The following NOS1 variants were observed in gnomAD, a reference collection of about 807,000 sequenced individuals.
NOS1 encodes the protein nitric oxide synthase 1.
Under a neutral mutation model 164.5 loss-of-function variants are expected in NOS1, and 51 were observed. The observed-to-expected ratio is 0.31, with a 90% confidence interval of 0.25 to 0.39. The LOEUF (loss-of-function observed/expected upper bound fraction) is 0.39. Among genes scored for constraint, NOS1 ranks in the 10% least tolerant of loss-of-function variants. The pLI is 1.00. For missense variants in NOS1, 1,362 were observed against 1,885.6 expected (o/e 0.72, Z 5.14); for synonymous variants, 719 against 745.8 (o/e 0.96, Z 0.59).
In NOS1 at chr12:117,288,942, A is replaced by C. The variant is rs9658337; in HGVS notation, c.982-723T>G. ...CAGATGTAACTACAGATGCATGAGA[A>C]AGCCTCACCAAAATCAACAGAGTCT... On this transcript the variant is annotated intron_variant, in intron 4 of 28. Transcript: ENST00000317775. Among the ~76,000 whole-genome samples the C allele has an allele frequency of 2.8e-3, 427 of 152,292 alleles. 5 individuals are homozygous for C. In the East Asian group the frequency reaches 0.049, roughly 17 times the overall value.
chr12:117,337,353 T>C (rs1875884112), intron 1 of NOS1, among the ~76,000 whole-genome samples: 2 of 151,942 alleles, frequency 1.3e-5, no homozygotes, highest in Non-Finnish European at 2.9e-5. Flanking sequence ...CCTGACCTTG[T>C]GATCCGCCTG....
At chr12:117,285,391 C>A (rs186400010) in intron 6 of NOS1, 59 bp from the exon 7 acceptor site, 6 of 1,150,816 alleles carry the variant, frequency 5.2e-6, no homozygotes, top group East Asian at 2.6e-5. Flanking sequence ...GCTCCCCCAG[C>A]GCAATCTTCC....
chr12:117,277,719 T>C lies in NOS1; in HGVS notation c.1664+240A>G, dbSNP rs147631663. 2.6e-5 allele frequency among the ~76,000 whole-genome samples: 4 copies of C among 152,354 alleles called. No individual in the cohort carries two copies. The East Asian group carries it at 7.7e-4, about 29-fold the overall frequency. ...TGGAAGAAGGGCAGGTCCTTGTTAATGGCTTAGGAGTGAGATGATTCAGAA... is the reference window on the plus strand; with the variant it reads ...TGGAAGAAGGGCAGGTCCTTGTTAACGGCTTAGGAGTGAGATGATTCAGAA... On this transcript the variant is annotated intron_variant, in intron 9 of 28. Coordinates refer to ENST00000317775, the MANE Select transcript of NOS1 (RefSeq NM_000620.5).
In NOS1 at chr12:117,212,834, G is replaced by A. The variant is rs1266594552; in HGVS notation, c.*2475C>T. The stretch of plus-strand genomic sequence containing the variant: ...CTGGACTCCACTCTGGTCCTTGAGA[G>A]GTTACTCAACAGAGAGAGAGGCTTT... On this transcript the variant is annotated 3_prime_UTR_variant, in exon 29 of 29. Transcript: ENST00000317775. 3 of 985,312 alleles carry A rather than the reference G, an allele frequency of 3.0e-6. No homozygotes were observed. In the African/African-American group the frequency reaches 5.2e-5, roughly 17 times the overall value. 61.0% of individuals were successfully genotyped at this position (985,312 alleles called of 1,614,324 possible).
chr12:117,253,783 T>TC, intron 16 of NOS1, 29 bp from the exon 17 acceptor site: 3 of 1,535,282 alleles, frequency 2.0e-6, no homozygotes, highest in South Asian at 1.1e-5. Context: ...ACCTGTGAGC[T>TC]CTGGCCTGGA....
chr12:117,232,281 C>A, intron 21 of NOS1, 150 bp from the exon 22 acceptor site: 1 of 630,296 alleles, frequency 1.6e-6, no homozygotes. Context: ...CCTTCCATGC[C>A]CAGAATCCAG....
At chr12:117,259,574 G>C (rs886161447) in intron 14 of NOS1, among the ~76,000 whole-genome samples, 10 of 152,100 alleles carry the variant, frequency 6.6e-5, no homozygotes, top group African/African-American at 2.4e-4. Context: ...GAGCAGTGTG[G>C]AGCACCTGGC....
At chr12:117,334,465 C>T (rs1286941786) in intron 1 of NOS1, among the ~76,000 whole-genome samples, 1 of 152,108 alleles carries the variant, frequency 6.6e-6, no homozygotes, top group South Asian at 2.1e-4. Flanking sequence ...GGTGCGATCT[C>T]AGCTCACTGC....
chr12:117,248,944 C>T (rs1870874117), intron 17 of NOS1, among the ~76,000 whole-genome samples: 1 of 152,124 alleles, frequency 6.6e-6, no homozygotes, highest in African/African-American at 2.4e-5. Context: ...TCTCTGATGG[C>T]CAGTGATGGT....
intron 1 of NOS1, among the ~76,000 whole-genome samples, chr12:117,333,617 G>A (rs1875656361): frequency 6.6e-6 from 1 of 152,176 alleles, no homozygotes; most frequent in Non-Finnish European, 1.5e-5. Flanking sequence ...CTCTGTGTGG[G>A]TGAGGAAATA....
intron 25 of NOS1, among the ~76,000 whole-genome samples, chr12:117,224,514 T>A (rs2135930448): frequency 6.6e-6 from 1 of 152,216 alleles, no homozygotes; most frequent in Admixed American, 6.5e-5. Context: ...CTCGATCTCC[T>A]GACCTCGTGA....
chr12:117,298,341 G>A (rs1252505095), intron 3 of NOS1, among the ~76,000 whole-genome samples: 1 of 152,070 alleles, frequency 6.6e-6, no homozygotes, highest in Non-Finnish European at 1.5e-5. Flanking sequence ...GCGGTAATGC[G>A]AGCGATGGGG....
chr12:117,308,831 G>A (rs1000737966), intron 3 of NOS1, among the ~76,000 whole-genome samples: 4 of 152,046 alleles, frequency 2.6e-5, no homozygotes, highest in African/African-American at 7.2e-5. Flanking sequence ...TCTTGACCTC[G>A]TGATTTGCCT....
At chr12:117,297,582 G>A (rs576444250) in intron 3 of NOS1, among the ~76,000 whole-genome samples, 5 of 152,116 alleles carry the variant, frequency 3.3e-5, no homozygotes, top group African/African-American at 9.6e-5. Flanking sequence ...AGTGGAGATG[G>A]GGTTTCTTCA....
At chr12:117,279,106 C>T (rs574789745) in intron 8 of NOS1, among the ~76,000 whole-genome samples, 8 of 152,034 alleles carry the variant, frequency 5.3e-5, no homozygotes, top group South Asian at 4.2e-4. Flanking sequence ...GGGCCGGGCG[C>T]GGTGGCTCAC....
intron 26 of NOS1, among the ~76,000 whole-genome samples, chr12:117,221,104 T>C (rs1956696939): frequency 6.6e-6 from 1 of 151,926 alleles, no homozygotes; most frequent in Non-Finnish European, 1.5e-5. Flanking sequence ...TGACTAGTAT[T>C]GCCTCTTATG....
intron 17 of NOS1, 79 bp downstream of exon 17, chr12:117,253,559 C>G (rs555445661): frequency 1.1e-6 from 1 of 930,048 alleles, no homozygotes; most frequent in South Asian, 1.4e-5. Context: ...CACAACGAAG[C>G]GCTCACTTTG....
At chr12:117,304,492 T>C (rs1434181459) in intron 3 of NOS1, among the ~76,000 whole-genome samples, 1 of 152,244 alleles carries the variant, frequency 6.6e-6, no homozygotes, top group East Asian at 1.9e-4. Flanking sequence ...CCCACACACA[T>C]CCGTGAGGGT....
chr12:117,232,250 A>AGAAGGTTGCTTGGCTCTGG, intron 21 of NOS1, 119 bp from the exon 22 acceptor site: 1 of 831,096 alleles, frequency 1.2e-6, no homozygotes, highest in Non-Finnish European at 1.9e-6. Flanking sequence ...CTCCAGAGCC[A>AGAAGGTTGCTTGGCTCTGG]AGCAACCTTC....
Sources: allele counts gnomAD v4.1 joint callset (sites outside exome capture counted in the v4.1 genomes callset), GRCh38; gene constraint gnomAD v4.1.1; transcripts MANE v1.5; gene names NCBI Gene and HGNC (gene_info 2026-07-23, HGNC 2026-07-21).